LIPC: variants seen among roughly 807,000 people sequenced by gnomAD.
LIPC encodes lipase C, hepatic type.
A neutral mutation model predicts 50.7 loss-of-function variants in LIPC; 44 were observed. That is an observed-to-expected ratio of 0.87 (90% CI 0.68 to 1.11). The LOEUF is 1.11. LIPC is among the 50% of genes most tolerant of loss of function. LIPC has a pLI of 0.00. For missense variants in LIPC, 697 were observed against 648.2 expected (o/e 1.08, Z -0.82); for synonymous variants, 271 against 256.4 (o/e 1.06, Z -0.54).
At chr15:58,522,458 G>T (rs780005706) in intron 1 of LIPC, 1 of 152,394 alleles carries the variant, frequency 6.6e-6, no homozygotes, top group Non-Finnish European at 1.5e-5. Flanking sequence ...TTCAAATCCA[G>T]ACACACTGGA....
At chr15:58,516,277 A>T (rs1892488775) in intron 1 of LIPC, among the ~76,000 whole-genome samples, 1 of 75,588 alleles carries the variant, frequency 1.3e-5, no homozygotes, top group Non-Finnish European at 2.7e-5. Context: ...ACTGGTTTTC[A>T]GCAATTTGAT....
intron 1 of LIPC, chr15:58,521,592 AGAGGGGACTG>A (rs1816421385): frequency 6.6e-6 from 1 of 152,326 alleles, no homozygotes; most frequent in Admixed American, 6.6e-5. Flanking sequence ...GCGTGTGAAC[AGAGGGGACTG>A]GAAGCGGATC....
At chr15:58,527,027 G>A (rs1189258807) in intron 1 of LIPC, among the ~76,000 whole-genome samples, 1 of 152,190 alleles carries the variant, frequency 6.6e-6, no homozygotes, top group Admixed American at 6.5e-5. Context: ...CCTGGAAACT[G>A]TCGGGTACCT....
intron 1 of LIPC, among the ~76,000 whole-genome samples, chr15:58,485,039 C>T (rs1027101306): frequency 6.6e-6 from 1 of 152,282 alleles, no homozygotes; most frequent in Middle Eastern, 3.4e-3. Context: ...GCATTCAGCA[C>T]CCTCACTACA....
intron 1 of LIPC, among the ~76,000 whole-genome samples, chr15:58,471,137 T>C (rs1392943457): frequency 4.2e-5 from 6 of 141,782 alleles, no homozygotes; most frequent in African/African-American, 1.6e-4. Flanking sequence ...CTTTTCTCTT[T>C]TTTTTTTTTT....
intron 1 of LIPC, among the ~76,000 whole-genome samples, chr15:58,470,911 C>A (rs1894769622): frequency 6.6e-6 from 1 of 152,094 alleles, no homozygotes; most frequent in Admixed American, 6.6e-5. Context: ...AAGACTCGTC[C>A]TTTTGTCTGC....
chr15:58,566,153 A>T (rs1315162530), intron 8 of LIPC: 1 of 981,908 alleles, frequency 1.0e-6, no homozygotes, highest in Non-Finnish European at 1.2e-6. Flanking sequence ...CTGTTGCTGC[A>T]GGTCAACAGA....
chr15:58,559,882 T>C (rs1383622443), intron 6 of LIPC, among the ~76,000 whole-genome samples: 1 of 152,188 alleles, frequency 6.6e-6, no homozygotes, highest in Non-Finnish European at 1.5e-5. Context: ...AACAGCTCCA[T>C]AGCTGTGCCA....
At chr15:58,491,525 A>C (rs1251639303) in intron 1 of LIPC, among the ~76,000 whole-genome samples, 2 of 152,108 alleles carry the variant, frequency 1.3e-5, no homozygotes, top group Non-Finnish European at 2.9e-5. Flanking sequence ...AACCCTCTCC[A>C]CCCTCTCCTT....
At chr15:58,537,584 C>T (rs1419801972) in intron 1 of LIPC, among the ~76,000 whole-genome samples, 4 of 152,144 alleles carry the variant, frequency 2.6e-5, no homozygotes, top group Non-Finnish European at 5.9e-5. Context: ...TCTCCTGCCT[C>T]TTTATGTATG....
chr15:58,432,806 T>G (rs1280242259), intron 1 of LIPC, among the ~76,000 whole-genome samples: 1 of 152,150 alleles, frequency 6.6e-6, no homozygotes, highest in Non-Finnish European at 1.5e-5. Context: ...AATTGAACAA[T>G]TTGGCCAGAC....
chr15:58,509,149 C>T (rs559140746), intron 1 of LIPC, among the ~76,000 whole-genome samples: 1 of 152,332 alleles, frequency 6.6e-6, no homozygotes, highest in South Asian at 2.1e-4. Context: ...CACACATTCT[C>T]CTCAGTGTTG....
At chr15:58,465,112 T>C (rs1352593065) in intron 1 of LIPC, among the ~76,000 whole-genome samples, 1 of 152,210 alleles carries the variant, frequency 6.6e-6, no homozygotes, top group East Asian at 1.9e-4. Context: ...CTTACTTTTC[T>C]GATGTTTTGG....
intron 1 of LIPC, among the ~76,000 whole-genome samples, chr15:58,462,455 T>C (rs746127734): frequency 1.3e-5 from 2 of 152,186 alleles, no homozygotes; most frequent in Admixed American, 6.5e-5. Context: ...TTTTGAAGAG[T>C]TGGTACCACT....
intron 7 of LIPC, among the ~76,000 whole-genome samples, chr15:58,561,585 T>C (rs4775079): frequency 0.95 from 144,054 of 152,250 alleles, 68,383 homozygotes; most frequent in Middle Eastern, 0.99. Context: ...AGTGAAAAGA[T>C]CTGGATAGGG....
At chr15:58,482,895 G>T (rs549872081) in intron 1 of LIPC, among the ~76,000 whole-genome samples, 3 of 152,266 alleles carry the variant, frequency 2.0e-5, no homozygotes, top group Admixed American at 6.5e-5. Context: ...CTCCTGGAGT[G>T]ATTCGCTTCT....
chr15:58,442,976 G>A (rs1005622930), intron 1 of LIPC, among the ~76,000 whole-genome samples: 4 of 152,174 alleles, frequency 2.6e-5, no homozygotes, highest in African/African-American at 9.7e-5. Flanking sequence ...GCAGTGGCGT[G>A]ATCTCAGCTC....
chr15:58,499,047 G>A (rs1891878585), intron 1 of LIPC, among the ~76,000 whole-genome samples: 1 of 152,228 alleles, frequency 6.6e-6, no homozygotes, highest in Non-Finnish European at 1.5e-5. Flanking sequence ...GTCAGGCAGA[G>A]CAGGATTACT....
chr15:58,480,398 G>A (rs577590300), intron 1 of LIPC, among the ~76,000 whole-genome samples: 17 of 152,184 alleles, frequency 1.1e-4, no homozygotes, highest in African/African-American at 3.4e-4. Flanking sequence ...GGGTTCAAGC[G>A]ATTCTCCTGC....
Sources: allele counts gnomAD v4.1 joint callset (sites outside exome capture counted in the v4.1 genomes callset), GRCh38; gene constraint gnomAD v4.1.1; transcripts MANE v1.5; gene names NCBI Gene and HGNC (gene_info 2026-07-23, HGNC 2026-07-21).